Variants in PELI2 observed in about 807,000 individuals in gnomAD.
PELI2 encodes the protein E3 ubiquitin-protein ligase pellino homolog 2.
Under a neutral mutation model 42.3 loss-of-function variants are expected in PELI2, and 23 were observed. The ratio of observed to expected loss-of-function variants is 0.54; its 90% CI spans 0.39 to 0.77. The LOEUF (loss-of-function observed/expected upper bound fraction) is 0.77, where lower values mean the gene tolerates loss of function less well. Ranked by LOEUF, PELI2 falls within the 30% of genes least tolerant of loss-of-function variation. The pLI is 0.00. For missense variants in PELI2, 463 were observed against 553.2 expected (o/e 0.84, Z 1.64); for synonymous variants, 245 against 212.2 (o/e 1.15, Z -1.34).
At chr14:56,198,725 G>A (rs1299710414) in intron 2 of PELI2, among the ~76,000 whole-genome samples, 1 of 152,146 alleles carries the variant, frequency 6.6e-6, no homozygotes. Context: ...ACTTTTTAAT[G>A]ATGGATGATA....
At chr14:56,227,609 G>C (rs573705013) in intron 2 of PELI2, among the ~76,000 whole-genome samples, 153 of 125,788 alleles carry the variant, frequency 1.2e-3, no homozygotes, top group African/African-American at 3.8e-3. Flanking sequence ...CATAGCTATA[G>C]ACTTACATGT....
chr14:56,260,808 G>T (rs1363994603), intron 2 of PELI2, among the ~76,000 whole-genome samples: 1 of 152,188 alleles, frequency 6.6e-6, no homozygotes, highest in African/African-American at 2.4e-5. Context: ...CCATGTGCAG[G>T]TTATGAAGTT....
chr14:56,170,424 A>G (rs946382017), intron 1 of PELI2, among the ~76,000 whole-genome samples: 1 of 152,250 alleles, frequency 6.6e-6, no homozygotes, highest in South Asian at 2.1e-4. Flanking sequence ...GGTGGCAGAC[A>G]TCTTTTTAAG....
At chr14:56,184,453 A>G (rs1406757924) in intron 2 of PELI2, among the ~76,000 whole-genome samples, 1 of 152,112 alleles carries the variant, frequency 6.6e-6, no homozygotes, top group Admixed American at 6.5e-5. Flanking sequence ...TTGGTGACAA[A>G]TCTAAGGAAT....
chr14:56,290,403 G>A lies in PELI2; in HGVS notation c.643G>A (p.Gly215Arg), dbSNP rs753423843. 1 of 1,613,710 alleles carries A rather than the reference G, an allele frequency of 6.2e-7. No individual in the cohort carries two copies. Among genetic ancestry groups the A allele is most frequent in the Non-Finnish European group, 8.5e-7 (1 of 1,179,668 alleles). The change falls in exon 5 of 6, where the codon GGA becomes AGA. Residue 215 changes from glycine to arginine, a missense_variant. Around this residue, in one of 3 missense-constraint regions of PELI2, gnomAD observed 343 missense variants for 378.4 expected, o/e 0.91. Coordinates refer to ENST00000267460, the MANE Select transcript of PELI2 (RefSeq NM_021255.3). ...PGVWREISVC[G>R]DVYTLRETRS... ...GGTCTGGCGCGAGATCTCTGTCTGT[G>A]GAGATGTGTACACCTTGCGAGAAAC...
At chr14:56,146,644 G>T (rs1218730387) in intron 1 of PELI2, among the ~76,000 whole-genome samples, 3 of 152,126 alleles carry the variant, frequency 2.0e-5, no homozygotes, top group Admixed American at 6.5e-5. Flanking sequence ...AGGAATGGGT[G>T]GTTCTGTACT....
At chr14:56,189,486 G>A (rs1293828823) in intron 2 of PELI2, among the ~76,000 whole-genome samples, 1 of 152,198 alleles carries the variant, frequency 6.6e-6, no homozygotes, top group African/African-American at 2.4e-5. Context: ...GATTTCACAG[G>A]TTGGGAATGT....
Position 56,180,354 on chromosome 14 carries a change from T to G in PELI2, c.207+1890T>G, listed in dbSNP as rs141283677. Among the ~76,000 whole-genome samples, 997 of 152,280 alleles carry G rather than the reference T, an allele frequency of 6.5e-3. 15 individuals carry two copies. Among genetic ancestry groups the G allele is most frequent in the African/African-American group, 0.022 (934 of 41,556 alleles). On this transcript the variant is annotated intron_variant, in intron 2 of 5. Coordinates refer to ENST00000267460, the MANE Select transcript of PELI2 (RefSeq NM_021255.3). This position sits in a 1 kb window ranked among gnomAD's most constrained non-coding sequence, Gnocchi z 4.4. ...TAAGATAAAACAGACAAAAGTAAGA[T>G]AAATTATTATAGGCTAGCCCTCAGA...
At chr14:56,151,553 A>T (rs951274642) in intron 1 of PELI2, among the ~76,000 whole-genome samples, 1 of 152,220 alleles carries the variant, frequency 6.6e-6, no homozygotes, top group African/African-American at 2.4e-5. Flanking sequence ...CTGATGTCAC[A>T]GTGTTTGTTC....
chr14:56,123,109 C>T (rs537015303), intron 1 of PELI2, among the ~76,000 whole-genome samples: 7 of 151,676 alleles, frequency 4.6e-5, no homozygotes, highest in Non-Finnish European at 8.8e-5. Flanking sequence ...TGCCTCATTT[C>T]CTTTGGATGA....
intron 2 of PELI2, among the ~76,000 whole-genome samples, chr14:56,252,362 A>T (rs1418340740): frequency 3.9e-5 from 6 of 152,236 alleles, no homozygotes; most frequent in Non-Finnish European, 8.8e-5. Context: ...TTGTATGTAA[A>T]CTACTGTAAC....
chr14:56,205,930 A>G (rs1886503695), intron 2 of PELI2, among the ~76,000 whole-genome samples: 1 of 152,200 alleles, frequency 6.6e-6, no homozygotes, highest in African/African-American at 2.4e-5. Context: ...GGGTAATTGG[A>G]GAGTTGGATT....
intron 1 of PELI2, among the ~76,000 whole-genome samples, chr14:56,131,992 C>T (rs1288009075): frequency 2.0e-5 from 3 of 152,084 alleles, no homozygotes; most frequent in Non-Finnish European, 4.4e-5. Context: ...ATTTCCCCCT[C>T]ACTGAATTTT....
At chr14:56,233,046 G>A (rs1023912894) in intron 2 of PELI2, among the ~76,000 whole-genome samples, 90 of 152,140 alleles carry the variant, frequency 5.9e-4, no homozygotes, top group Non-Finnish European at 6.3e-4. Context: ...CCAACTTACA[G>A]GGTATGTGAA....
chr14:56,193,039 T>C (rs1212540828), intron 2 of PELI2, among the ~76,000 whole-genome samples: 2 of 152,258 alleles, frequency 1.3e-5, no homozygotes, highest in Non-Finnish European at 2.9e-5. Flanking sequence ...CAAGTTCCTT[T>C]GCCTTCAGTA....
chr14:56,230,199 TC>T (rs766977272), intron 2 of PELI2, among the ~76,000 whole-genome samples: 9 of 152,064 alleles, frequency 5.9e-5, no homozygotes, highest in Non-Finnish European at 1.3e-4. Context: ...CAGGAGAACT[TC>T]CCCAACCTAG....
chr14:56,262,034 A>G (rs1275198883), intron 2 of PELI2, among the ~76,000 whole-genome samples: 1 of 152,252 alleles, frequency 6.6e-6, no homozygotes, highest in Non-Finnish European at 1.5e-5. Flanking sequence ...TTTACCATTC[A>G]GCATAGGCTT....
intron 1 of PELI2, 30 bp downstream of exon 1, chr14:56,118,767 G>C: frequency 7.1e-7 from 1 of 1,417,718 alleles, no homozygotes; most frequent in Non-Finnish European, 9.4e-7. Flanking sequence ...GTCCCGGGCA[G>C]CGGCGCGGGC....
chr14:56,196,792 T>C lies in PELI2; in HGVS notation c.207+18328T>C, dbSNP rs578132725. On this transcript the variant is annotated intron_variant, in intron 2 of 5. Transcript: ENST00000267460. ...CTATTTTTGAATTGTATTGTTTGACTTCTGTTTTTTAATTTGTAGAATCTG... is the reference window on the plus strand; with the variant it reads ...CTATTTTTGAATTGTATTGTTTGACCTCTGTTTTTTAATTTGTAGAATCTG... 1.8e-4 allele frequency among the ~76,000 whole-genome samples: 27 copies of C among 152,356 alleles called. 1 individual carries two copies. In the South Asian group the frequency reaches 5.4e-3, roughly 30 times the overall value.
Sources: allele counts gnomAD v4.1 joint callset (sites outside exome capture counted in the v4.1 genomes callset), GRCh38; gene constraint gnomAD v4.1.1; regional missense constraint gnomAD v4.1.1; non-coding constraint Gnocchi (gnomAD v3.1); transcripts MANE v1.5; gene names NCBI Gene and HGNC (gene_info 2026-07-23, HGNC 2026-07-21).